The following ZNF626 variants were observed in gnomAD, a reference collection of about 807,000 sequenced individuals.
The protein encoded by ZNF626 is zinc finger protein 626, also known as CTC-513N18.7.
ZNF626 carries 4 observed loss-of-function variants against 11.7 expected under a neutral mutation model. The observed-to-expected ratio is 0.34, with a 90% CI of 0.17 to 0.78. ZNF626 has a LOEUF of 0.78. ZNF626 is among the 30% of genes least tolerant of loss of function. ZNF626 has a pLI of 0.57. For missense variants in ZNF626, 588 were observed against 587.1 expected (o/e 1.00, Z -0.01); for synonymous variants, 179 against 198.6 (o/e 0.90, Z 0.83).
chr19:20,644,608 T>C (rs1970055172), intron 3 of ZNF626: 1 of 149,380 alleles, frequency 6.7e-6, no homozygotes. Context: ...TACAAAACTA[T>C]ATTGTGCCCA....
intron 3 of ZNF626, among the ~76,000 whole-genome samples, chr19:20,633,942 C>T (rs1323385393): frequency 6.6e-6 from 1 of 152,118 alleles, no homozygotes; most frequent in Admixed American, 6.6e-5. Context: ...CCTCCCCCCT[C>T]ATGTAAATAT....
rs1555769121 is a variant in ZNF626 at position 20,624,229 on chromosome 19, G to C, written c.*61C>G. On this transcript the variant is annotated 3_prime_UTR_variant, in exon 4 of 4. Transcript: ENST00000601440. Reference sequence around the variant, plus strand: ...AATTTTCTTATGTGTAGTAAGGTTAGAGAAATGCTTAAAAGCTTTGTCACA... The same window carrying C: ...AATTTTCTTATGTGTAGTAAGGTTACAGAAATGCTTAAAAGCTTTGTCACA... The C allele has an allele frequency of 2.5e-6, 4 of 1,611,856 alleles. No individual in the cohort carries two copies. The highest frequency in any genetic ancestry group is 3.4e-6 in the Non-Finnish European group (4 of 1,178,690).
chr19:20,654,369 G>A (rs1555772891), intron 1 of ZNF626, among the ~76,000 whole-genome samples: 3 of 151,892 alleles, frequency 2.0e-5, no homozygotes, highest in African/African-American at 4.8e-5. Context: ...CTTGAACCTC[G>A]GAGGCGGAGG....
intron 3 of ZNF626, among the ~76,000 whole-genome samples, chr19:20,630,458 C>T (rs1361868229): frequency 1.3e-5 from 2 of 152,090 alleles, no homozygotes; most frequent in Non-Finnish European, 2.9e-5. Flanking sequence ...AATTTCAGCT[C>T]CTATTATTGG....
intron 1 of ZNF626, among the ~76,000 whole-genome samples, chr19:20,654,536 G>T (rs966727009): frequency 1.5e-4 from 23 of 150,032 alleles, no homozygotes; most frequent in African/African-American, 5.2e-4. Flanking sequence ...GTGAAACCCC[G>T]TATCTACTAA....
intron 3 of ZNF626, among the ~76,000 whole-genome samples, chr19:20,632,076 G>A (rs1376594643): frequency 2.6e-5 from 4 of 151,994 alleles, no homozygotes; most frequent in Admixed American, 1.3e-4. Flanking sequence ...ATGAAATTCC[G>A]GGTTGAAAAT....
chr19:20,623,313 A>G lies in ZNF626; in HGVS notation c.*977T>C, dbSNP rs1969778514. On this transcript the variant is annotated 3_prime_UTR_variant, in exon 4 of 4. Transcript: ENST00000601440. The stretch of plus-strand genomic sequence containing the variant: ...TCTTCATGCTTGTAGGAATTTTGCC[A>G]GTATGAATTATCTTACTATCAAATG... 6.6e-6 allele frequency: 1 copy of G among 152,132 alleles called. No individual in the cohort carries two copies. Among genetic ancestry groups the G allele is most frequent in the East Asian group, 1.9e-4 (1 of 5,184 alleles). 9.4% of individuals were successfully genotyped at this position (152,132 alleles called of 1,614,324 possible). A position where few individuals can be genotyped will look rare whatever the true frequency, so the allele number is the denominator to read the frequency against.
intron 3 of ZNF626, among the ~76,000 whole-genome samples, chr19:20,635,785 A>G (rs1555770851): frequency 6.6e-6 from 1 of 152,196 alleles, no homozygotes; most frequent in Non-Finnish European, 1.5e-5. Context: ...TCAAAAATAA[A>G]TAGACGCTGA....
rs149277332 is a variant in ZNF626 at position 20,645,515 on chromosome 19, A to T, written c.226+169T>A. The T allele has an allele frequency of 7.3e-4, 1,139 of 1,567,840 alleles. 8 individuals carry two copies. The African/African-American group carries it at 0.011, about 15-fold the overall frequency. ...GACAGAAGATGCCCCTTTGTAAGCAAAATTAAAAAAGAAAAAACCAAACAA... is the reference window on the plus strand; with the variant it reads ...GACAGAAGATGCCCCTTTGTAAGCATAATTAAAAAAGAAAAAACCAAACAA... On this transcript the variant is annotated intron_variant, in intron 3 of 3. Transcript: ENST00000601440.
At chr19:20,642,388 A>G (rs1555771558) in intron 3 of ZNF626, among the ~76,000 whole-genome samples, 2 of 152,166 alleles carry the variant, frequency 1.3e-5, no homozygotes. Context: ...TCACAAGGTC[A>G]GAAGTTTGAG....
intron 3 of ZNF626, among the ~76,000 whole-genome samples, chr19:20,640,296 A>T (rs1970010431): frequency 6.7e-6 from 1 of 148,900 alleles, no homozygotes. Context: ...TTAATAAAAT[A>T]ACTAACAAAT....
chr19:20,661,308 G>A, intron 1 of ZNF626, 136 bp downstream of exon 1: 1 of 1,224,494 alleles, frequency 8.2e-7, no homozygotes, highest in East Asian at 2.3e-5. Flanking sequence ...CAGGACTGAG[G>A]CCGAGCTGAG....
intron 3 of ZNF626, among the ~76,000 whole-genome samples, chr19:20,630,371 T>C (rs1281681319): frequency 1.2e-4 from 19 of 152,106 alleles, no homozygotes; most frequent in Non-Finnish European, 2.9e-5. Flanking sequence ...CTCCTCTTTG[T>C]ACCTCTGGTA....
chr19:20,659,488 G>A (rs1157503334), intron 1 of ZNF626, among the ~76,000 whole-genome samples: 1 of 152,094 alleles, frequency 6.6e-6, no homozygotes, highest in Non-Finnish European at 1.5e-5. Context: ...TGATCCGTCC[G>A]CCTAGGCCTC....
At chr19:20,647,828 C>G (rs1970099228) in intron 1 of ZNF626, among the ~76,000 whole-genome samples, 1 of 152,058 alleles carries the variant, frequency 6.6e-6, no homozygotes, top group African/African-American at 2.4e-5. Context: ...CAGAAGAACA[C>G]AGCATCACTG....
At chr19:20,626,742 C>T (rs1414237721) in intron 3 of ZNF626, among the ~76,000 whole-genome samples, 1 of 151,954 alleles carries the variant, frequency 6.6e-6, no homozygotes, top group Non-Finnish European at 1.5e-5. Context: ...AGGCTGGGCG[C>T]AATGGCTCAT....
rs10407978 is a variant in ZNF626, at chr19:20,624,241, A to G, written c.*49T>C. On this transcript the variant is annotated 3_prime_UTR_variant, in exon 4 of 4. Transcript: ENST00000601440. Reference sequence around the variant, plus strand: ...TGTAGTAAGGTTAGAGAAATGCTTAAAAGCTTTGTCACATTCTTCACATTT... The same window carrying G: ...TGTAGTAAGGTTAGAGAAATGCTTAGAAGCTTTGTCACATTCTTCACATTT... 6.6e-3 allele frequency: 10,710 copies of G among 1,612,950 alleles called. 674 individuals carry two copies. In the African/African-American group the frequency reaches 0.13, roughly 19 times the overall value.
chr19:20,643,302 A>T lies in ZNF626; in HGVS notation c.226+2382T>A, dbSNP rs555404601. ...CCTTACATTGTTAAACACAGAAAAA[A>T]ATATATATATATTTTGGAGAATAGG... On this transcript the variant is annotated intron_variant, in intron 3 of 3. Transcript: ENST00000601440. Among the ~76,000 whole-genome samples the T allele has an allele frequency of 1.6e-4, 25 of 152,008 alleles. No homozygotes were observed. In the East Asian group the frequency reaches 3.1e-3, roughly 19 times the overall value.
chr19:20,661,556 G>C lies in ZNF626; in HGVS notation c.-110C>G. On this transcript the variant is annotated 5_prime_UTR_variant, in exon 1 of 4. Transcript: ENST00000601440. The stretch of plus-strand genomic sequence containing the variant: ...GGAGAAGAACCAGACCTGGAGCTCT[G>C]ACTGCAGCGAGAGACAAAGGCCGCA... 2.3e-6 allele frequency: 3 copies of C among 1,280,456 alleles called. No individual in the cohort carries two copies. Among genetic ancestry groups the C allele is most frequent in the South Asian group, 1.3e-5 (1 of 74,590 alleles). The allele number at this position is 1,280,456 out of a possible 1,614,324, so 79.3% of individuals were successfully genotyped here.
Sources: allele counts gnomAD v4.1 joint callset (sites outside exome capture counted in the v4.1 genomes callset), GRCh38; gene constraint gnomAD v4.1.1; transcripts MANE v1.5; gene names NCBI Gene and HGNC (gene_info 2026-07-23, HGNC 2026-07-21).